Variants in CAMTA1 observed in about 807,000 individuals in gnomAD.
CAMTA1 encodes calmodulin binding transcription activator 1, also known as calmodulin-binding transcription activator 1.
CAMTA1 carries 27 observed loss-of-function variants against 170.9 expected under a neutral mutation model. The observed-to-expected ratio is 0.16, with a 90% CI of 0.12 to 0.22. CAMTA1 has a LOEUF of 0.22. Among genes scored for constraint, CAMTA1 ranks in the 10% least tolerant of loss-of-function variants. The pLI is 1.00. For missense variants in CAMTA1, 1,619 were observed against 2,217.2 expected (o/e 0.73, Z 5.42); for synonymous variants, 833 against 891.5 (o/e 0.93, Z 1.17).
intron 11 of CAMTA1, among the ~76,000 whole-genome samples, chr1:7,700,069 T>C (rs987442512): frequency 2.2e-4 from 33 of 152,372 alleles, no homozygotes; most frequent in Middle Eastern, 3.4e-3. Context: ...TGGTTGCTTG[T>C]GCTTTTGATA....
intron 6 of CAMTA1, among the ~76,000 whole-genome samples, chr1:7,630,150 G>A (rs530492971): frequency 5.9e-5 from 9 of 152,280 alleles, no homozygotes; most frequent in East Asian, 1.9e-4. Context: ...GTCTTGCTGC[G>A]CAATGAAAAG....
At chr1:7,040,789 G>A (rs371051275) in intron 3 of CAMTA1, among the ~76,000 whole-genome samples, 3 of 151,102 alleles carry the variant, frequency 2.0e-5, no homozygotes, top group Non-Finnish European at 4.4e-5. Context: ...GCAATGGCGC[G>A]ATCTTGGCTC....
chr1:7,631,171 A>G (rs2095666647), intron 6 of CAMTA1, among the ~76,000 whole-genome samples: 1 of 152,186 alleles, frequency 6.6e-6, no homozygotes, highest in Non-Finnish European at 1.5e-5. Flanking sequence ...CTTACAGACC[A>G]GCCAGGAGCC....
intron 4 of CAMTA1, among the ~76,000 whole-genome samples, chr1:7,167,720 T>C (rs573241707): frequency 6.6e-6 from 1 of 152,102 alleles, no homozygotes; most frequent in East Asian, 1.9e-4. Flanking sequence ...GGATATTGAG[T>C]CTTCTTTTTT....
chr1:6,856,232 A>G (rs1480711345), intron 3 of CAMTA1, among the ~76,000 whole-genome samples: 2 of 151,098 alleles, frequency 1.3e-5, no homozygotes, highest in Non-Finnish European at 2.9e-5. Context: ...AATGTAGAGC[A>G]ATCTGGAAGG....
rs555053334 is a variant in CAMTA1 at position 7,485,919 on chromosome 1, G to A, written c.510+18018G>A. Among the ~76,000 whole-genome samples the A allele has an allele frequency of 1.6e-4, 25 of 152,312 alleles. No individual in the cohort carries two copies. The South Asian group carries it at 4.8e-3, about 29-fold the overall frequency. Reference sequence around the variant, plus strand: ...CCAGACCAGCTTCTCAGGCCACCCCGGCATGCACCTCAGCCGCCAGCTGTT... The same window carrying A: ...CCAGACCAGCTTCTCAGGCCACCCCAGCATGCACCTCAGCCGCCAGCTGTT... On this transcript the variant is annotated intron_variant, in intron 6 of 22. Transcript: ENST00000303635.
At chr1:6,955,527 C>T (rs1046921780) in intron 3 of CAMTA1, among the ~76,000 whole-genome samples, 1 of 152,186 alleles carries the variant, frequency 6.6e-6, no homozygotes. Flanking sequence ...TTTACCTTCT[C>T]TATAAACTGG....
intron 9 of CAMTA1, 143 bp from the exon 10 acceptor site, chr1:7,670,768 T>C (rs2096053716): frequency 1.1e-6 from 1 of 900,488 alleles, no homozygotes; most frequent in Non-Finnish European, 1.7e-6. Context: ...CTCACTGCAA[T>C]CCCTGGAGTG....
chr1:7,450,821 C>G (rs1368869115), intron 5 of CAMTA1, among the ~76,000 whole-genome samples: 1 of 152,216 alleles, frequency 6.6e-6, no homozygotes, highest in African/African-American at 2.4e-5. Flanking sequence ...AGATAAAATG[C>G]AGGACCGAGG....
At chr1:6,962,583 C>T (rs1459759669) in intron 3 of CAMTA1, among the ~76,000 whole-genome samples, 1 of 148,152 alleles carries the variant, frequency 6.7e-6, no homozygotes, top group African/African-American at 2.5e-5. Flanking sequence ...CCCACCTGGC[C>T]CCACCCCTCC....
intron 6 of CAMTA1, among the ~76,000 whole-genome samples, chr1:7,557,924 G>A (rs1317742453): frequency 6.6e-6 from 1 of 152,216 alleles, no homozygotes; most frequent in Admixed American, 6.5e-5. Flanking sequence ...AGCGGGGTGG[G>A]GGCAAGTCTG....
intron 5 of CAMTA1, among the ~76,000 whole-genome samples, chr1:7,330,192 C>T (rs1490141031): frequency 2.6e-5 from 4 of 152,158 alleles, no homozygotes; most frequent in Admixed American, 6.5e-5. Flanking sequence ...CCAGGCTCTG[C>T]ACGTGAGATC....
At chr1:7,653,284 C>G (rs1429593584) in intron 7 of CAMTA1, among the ~76,000 whole-genome samples, 1 of 152,120 alleles carries the variant, frequency 6.6e-6, no homozygotes, top group Non-Finnish European at 1.5e-5. Flanking sequence ...TTTTTTGAGA[C>G]AGGGCCTCAC....
chr1:7,454,901 G>A (rs2092914913), intron 5 of CAMTA1, among the ~76,000 whole-genome samples: 1 of 152,138 alleles, frequency 6.6e-6, no homozygotes, highest in Non-Finnish European at 1.5e-5. Flanking sequence ...CTAAACTGCA[G>A]ACTTATTTTA....
chr1:7,022,684 T>C (rs1701528996), intron 3 of CAMTA1, among the ~76,000 whole-genome samples: 1 of 152,016 alleles, frequency 6.6e-6, no homozygotes, highest in African/African-American at 2.4e-5. Flanking sequence ...TGAAGGAGGG[T>C]TACCTATGTC....
chr1:6,908,258 G>A (rs961801124), intron 3 of CAMTA1, among the ~76,000 whole-genome samples: 2 of 152,206 alleles, frequency 1.3e-5, no homozygotes, highest in Admixed American at 6.5e-5. Context: ...CAGAGGGGCC[G>A]TTACTCCCCC....
chr1:6,839,939 G>A (rs551627419), intron 3 of CAMTA1, among the ~76,000 whole-genome samples: 4 of 152,306 alleles, frequency 2.6e-5, no homozygotes, highest in African/African-American at 9.6e-5. Context: ...AGTGGCTCAC[G>A]CCTGTAATCC....
intron 4 of CAMTA1, among the ~76,000 whole-genome samples, chr1:7,211,098 A>G (rs1314160404): frequency 1.3e-5 from 2 of 152,234 alleles, no homozygotes; most frequent in Admixed American, 1.3e-4. Context: ...TCTTTATCAT[A>G]GATCTATTCA....
chr1:7,500,447 A>G (rs1041718858), intron 6 of CAMTA1, among the ~76,000 whole-genome samples: 1 of 149,150 alleles, frequency 6.7e-6, no homozygotes, highest in African/African-American at 2.5e-5. Flanking sequence ...TGTGTGCATG[A>G]GTGAGTGTGT....
Sources: allele counts gnomAD v4.1 joint callset (sites outside exome capture counted in the v4.1 genomes callset), GRCh38; gene constraint gnomAD v4.1.1; transcripts MANE v1.5; gene names NCBI Gene and HGNC (gene_info 2026-07-23, HGNC 2026-07-21).